Variants in TMC3 observed in about 807,000 individuals in gnomAD.
The protein encoded by TMC3 is transmembrane channel-like protein 3.
A neutral mutation model predicts 110.6 loss-of-function variants in TMC3; 98 were observed. That is an observed-to-expected ratio of 0.89 (90% CI 0.75 to 1.05). TMC3 has a LOEUF of 1.05. Ranked by LOEUF, TMC3 falls within the 50% of genes least tolerant of loss-of-function variation. TMC3 has a pLI of 0.00. For synonymous variants in TMC3, 489 were observed against 513.1 expected (o/e 0.95, Z 0.63); for missense variants, 1,319 against 1,373.2 (o/e 0.96, Z 0.62).
Position 81,351,698 on chromosome 15 carries a change from T to C in TMC3, c.1079A>G (p.Asn360Ser). ...SKKELTLWEK[N>S]EVSVVVSLVT... ...GCAGGTAATGGCAGTGGGTACCTCA[T>C]TCTTTTCCCAAAGTGTCAGCTCCTT... The change falls in exon 10 of 22, where the codon AAT (asparagine) becomes AGT (serine). Residue 360 changes from asparagine (N) to serine (S), a missense_variant. Coordinates refer to ENST00000359440, the MANE Select transcript of TMC3 (RefSeq NM_001080532.3). 2 of 1,553,658 alleles carry C rather than the reference T, an allele frequency of 1.3e-6. No homozygotes were observed. The highest frequency in any genetic ancestry group is 2.4e-5 in the South Asian group (2 of 84,104).
At position 81,333,170 on chromosome 15, in the gene TMC3, T is replaced by C. The variant is rs745314227; in HGVS notation, c.2552A>G (p.His851Arg). 2.5e-6 allele frequency: 4 copies of C among 1,613,906 alleles called. No individual in the cohort carries two copies. Among genetic ancestry groups the C allele is most frequent in the Admixed American group, 3.3e-5 (2 of 60,010 alleles). Residue 851 changes from histidine (H) to arginine (R), a missense_variant, in exon 22 of 22, where the codon CAC becomes CGC. Coordinates refer to ENST00000359440, the MANE Select transcript of TMC3 (RefSeq NM_001080532.3). ...GTCTTTTCGGAAAAGAGGTTCTGAG[T>C]GTACATCTTCGATGTGCGTTGTAAA... ...MTFTTHIEDV[H>R]SEPLFRKDFQ...
At chr15:81,333,303 T>G (rs376400913) in intron 21 of TMC3, 41 bp from the exon 22 acceptor site, 2 of 1,564,920 alleles carry the variant, frequency 1.3e-6, no homozygotes, top group Non-Finnish European at 1.7e-6. Flanking sequence ...GCCTTGGTGG[T>G]CTCAGAGCCC....
chr15:81,367,308 ATGG>A (rs2141425138), intron 3 of TMC3, among the ~76,000 whole-genome samples: 1 of 152,270 alleles, frequency 6.6e-6, no homozygotes, highest in South Asian at 2.1e-4. Flanking sequence ...AAATAATATA[ATGG>A]TGTTATGTGA....
At chr15:81,351,345 TC>T (rs533974914) in intron 10 of TMC3, among the ~76,000 whole-genome samples, 4,578 of 125,568 alleles carry the variant, frequency 0.036, 303 homozygotes, top group African/African-American at 0.15. Context: ...TCTCTCTCTC[TC>T]TCTTTTTTTT....
intron 1 of TMC3, among the ~76,000 whole-genome samples, chr15:81,373,581 G>A (rs956114903): frequency 1.9e-4 from 29 of 152,050 alleles, no homozygotes; most frequent in African/African-American, 5.8e-4. Flanking sequence ...TAACAAATTC[G>A]AATAGCACTC....
intron 10 of TMC3, among the ~76,000 whole-genome samples, chr15:81,350,678 C>T (rs1313413682): frequency 6.6e-6 from 1 of 152,104 alleles, no homozygotes; most frequent in Non-Finnish European, 1.5e-5. Flanking sequence ...GGCCATCTTA[C>T]ACATCTTTCT....
rs1596082332 is a variant in TMC3, at chr15:81,343,912, C to T, written c.1647+5G>A. 11 of 1,611,100 alleles carry T rather than the reference C, an allele frequency of 6.8e-6. No homozygotes were observed. The East Asian group carries it at 2.5e-4, about 36-fold the overall frequency. On this transcript the variant is annotated splice_donor_5th_base_variant and intron_variant, in intron 14 of 21. Coordinates refer to ENST00000359440, the MANE Select transcript of TMC3 (RefSeq NM_001080532.3). ...CTTTCCCAACAGACACAGCATTTTA[C>T]TTACAAACTTGCTCTCCAGATCCCA... is the stretch of plus-strand genomic sequence containing the variant.
Position 81,343,341 on chromosome 15 carries a change from T to G in TMC3, c.1652A>C (p.Glu551Ala). The G allele has an allele frequency of 6.2e-7, 1 of 1,605,764 alleles. No individual in the cohort carries two copies. Among genetic ancestry groups the G allele is most frequent in the Non-Finnish European group, 8.5e-7 (1 of 1,172,462 alleles). ...WCWDLESKFP[E>A]YGEFKIAENV... ...CTCAGCTATTTTGAATTCTCCATAT[T>G]CAGGCTACAAGAGAAAATAAACTTG... The change falls in exon 15 of 22, where the codon GAA (glutamate) becomes GCA (alanine). Residue 551 changes from glutamate (E) to alanine (A), a missense_variant. By Grantham distance (107) the Glu-to-Ala change is moderately radical. Coordinates refer to ENST00000359440, the MANE Select transcript of TMC3 (RefSeq NM_001080532.3).
intron 13 of TMC3, 113 bp from the exon 14 acceptor site, chr15:81,344,158 C>A: frequency 9.2e-7 from 1 of 1,086,790 alleles, no homozygotes; most frequent in Non-Finnish European, 1.3e-6. Context: ...CCAGTGGGCC[C>A]CTCCAATGGC....
At chr15:81,369,952 C>T (rs4778899) in intron 2 of TMC3, among the ~76,000 whole-genome samples, 5,107 of 152,074 alleles carry the variant, frequency 0.034, 135 homozygotes, top group East Asian at 0.16. Context: ...AACAAAAAAC[C>T]AGAGTCTCTG....
chr15:81,358,544 G>A lies in TMC3; in HGVS notation c.502-44C>T, dbSNP rs751080555. 1.4e-5 allele frequency: 22 copies of A among 1,521,144 alleles called. No individual in the cohort carries two copies. The South Asian group carries it at 2.4e-4, about 17-fold the overall frequency. 94.2% of individuals were successfully genotyped at this position (1,521,144 alleles called of 1,614,324 possible). ...ATGTCATGTGGTCCTCTGGGTGGGA[G>A]GGGACCGGGAGAAAATGAGAGGTTG... On this transcript the variant is annotated intron_variant, in intron 5 of 21. Coordinates refer to ENST00000359440, the MANE Select transcript of TMC3 (RefSeq NM_001080532.3).
At position 81,332,930 on chromosome 15, in the gene TMC3, C is replaced by T. The variant is rs758827627; in HGVS notation, c.2792G>A (p.Arg931Gln). ...YPRNVRQYAS[R>Q]VPRQPPSPQL... The stretch of plus-strand genomic sequence containing the variant: ...TGGGGAGGGAGGCTGGCGGGGGACC[C>T]GGGATGCATATTGTCGCACGTTCCT... The change falls in exon 22 of 22, where the codon CGG (arginine) becomes CAG (glutamine). Residue 931 changes from arginine (R) to glutamine (Q), a missense_variant. Physicochemically the swap from Arg to Gln is conservative, Grantham distance 43 (BLOSUM62 1). Coordinates refer to ENST00000359440, the MANE Select transcript of TMC3 (RefSeq NM_001080532.3). The T allele has an allele frequency of 3.7e-6, 6 of 1,612,310 alleles. No homozygotes were observed. Among genetic ancestry groups the T allele is most frequent in the African/African-American group, 1.3e-5 (1 of 74,896 alleles).
At position 81,352,707 on chromosome 15, in the gene TMC3, C is replaced by T. The variant is rs1484579331; in HGVS notation, c.936-866G>A. ...GACACCTCCGTGCGTGTTATGGCCC[C>T]GAAGACCTTCCAGTGGGACAAGATG... On this transcript the variant is annotated intron_variant, in intron 9 of 21. Transcript: ENST00000359440. Among the ~76,000 whole-genome samples, 7 of 152,142 alleles carry T rather than the reference C, an allele frequency of 4.6e-5. No individual in the cohort carries two copies. In the East Asian group the frequency reaches 5.8e-4, roughly 13 times the overall value.
chr15:81,358,547 G>A (rs756784081), intron 5 of TMC3, 47 bp from the exon 6 acceptor site: 5 of 1,500,082 alleles, frequency 3.3e-6, no homozygotes, highest in Middle Eastern at 1.7e-4. Flanking sequence ...GGTGGGAGGG[G>A]ACCGGGAGAA....
At chr15:81,347,515 A>G (rs1893851482) in intron 11 of TMC3, among the ~76,000 whole-genome samples, 1 of 152,234 alleles carries the variant, frequency 6.6e-6, no homozygotes, top group Admixed American at 6.5e-5. Context: ...GTACAAGGCA[A>G]GCCCCTCAGT....
In TMC3 at chr15:81,343,914, T is replaced by TA. The variant is rs761649491; in HGVS notation, c.1647+2dup. The TA allele has an allele frequency of 1.2e-4, 188 of 1,611,136 alleles. No individual in the cohort carries two copies. The highest frequency in any genetic ancestry group is 2.3e-5 in the Non-Finnish European group (27 of 1,178,334). ...TTCCCAACAGACACAGCATTTTACTTACAAACTTGCTCTCCAGATCCCAAC... is the reference window on the plus strand; with the variant it reads ...TTCCCAACAGACACAGCATTTTACTTAACAAACTTGCTCTCCAGATCCCAAC... On this transcript the variant is annotated splice_region_variant and intron_variant, in intron 14 of 21. Transcript: ENST00000359440.
At chr15:81,333,570 A>T (rs901775004) in intron 21 of TMC3, among the ~76,000 whole-genome samples, 2 of 152,198 alleles carry the variant, frequency 1.3e-5, no homozygotes, top group African/African-American at 4.8e-5. Context: ...ACATAGTGGG[A>T]CTAGTGTCTG....
intron 5 of TMC3, 96 bp from the exon 6 acceptor site, chr15:81,358,596 C>G (rs750810195): frequency 2.0e-5 from 19 of 927,788 alleles, no homozygotes; most frequent in Non-Finnish European, 3.1e-5. Context: ...GAAAATGCCA[C>G]ACATAAGAGA....
Position 81,332,649 on chromosome 15 carries a change from G to A in TMC3, c.3073C>T (p.Pro1025Ser). ...CTGGGCTTCCCTCTGGGCTTCAGAG[G>A]GGGCTGTGGGTATTGGAAATTCCGG... ...RSRNFQYPQPPLKPRGKPRFE... is the reference protein window; with the variant it reads ...RSRNFQYPQPSLKPRGKPRFE... Residue 1025 changes from proline to serine, a missense_variant, in exon 22 of 22, where the codon CCT (proline) becomes TCT (serine). Coordinates refer to ENST00000359440, the MANE Select transcript of TMC3 (RefSeq NM_001080532.3). The A allele has an allele frequency of 6.2e-7, 1 of 1,614,034 alleles. No individual in the cohort carries two copies. The highest frequency in any genetic ancestry group is 8.5e-7 in the Non-Finnish European group (1 of 1,179,904).
Sources: allele counts gnomAD v4.1 joint callset (sites outside exome capture counted in the v4.1 genomes callset), GRCh38; gene constraint gnomAD v4.1.1; transcripts MANE v1.5; gene names NCBI Gene and HGNC (gene_info 2026-07-23, HGNC 2026-07-21).